The following ANKH variants were observed in gnomAD, a reference collection of about 807,000 sequenced individuals.
ANKH encodes ANKH inorganic pyrophosphate transport regulator, also known as mineralization regulator ANKH.
In ANKH, 15 loss-of-function variants were observed where a neutral mutation model predicts 49.0. The observed-to-expected ratio is 0.31, with a 90% CI of 0.20 to 0.47. The LOEUF (loss-of-function observed/expected upper bound fraction) is 0.47, where lower values mean the gene tolerates loss of function less well. ANKH is among the 20% of genes least tolerant of loss of function. ANKH has a pLI of 1.00. For synonymous variants in ANKH, 273 were observed against 260.0 expected (o/e 1.05, Z -0.48); for missense variants, 429 against 652.0 (o/e 0.66, Z 3.72).
chr5:14,741,866 G>A lies in ANKH; in HGVS notation c.972C>T (p.Ile324=). 1 of 1,614,152 alleles carries A rather than the reference G, an allele frequency of 6.2e-7. No individual in the cohort carries two copies. Among genetic ancestry groups the A allele is most frequent in the South Asian group, 1.1e-5 (1 of 91,074 alleles). ...CCATGCAGACGAAGGTGAACTTCTT[G>A]ATGTGGGCTGCCGTGACTGTGTTGC... The part of the protein sequence containing the change: ...STSNTVTAAH[I]KKFTFVCMAL... The change falls in exon 8 of 12, where the codon ATC becomes ATT. Residue 324 remains isoleucine, a synonymous_variant. Coordinates refer to ENST00000284268, the MANE Select transcript of ANKH (RefSeq NM_054027.6).
chr5:14,792,975 C>CATAT (rs1162757952), intron 1 of ANKH, among the ~76,000 whole-genome samples: 2 of 102,782 alleles, frequency 1.9e-5, no homozygotes, highest in South Asian at 6.2e-4. Context: ...GAAACTCCAT[C>CATAT]ATATATATAT....
In ANKH at chr5:14,708,045, C is replaced by G. The variant is rs1737008141; in HGVS notation, c.*3152G>C. Reference sequence around the variant, plus strand: ...AGCCATGTGGCCGGCAGGTCCAATCCTACCGTGACTTTCCAAGCGCAAGCC... The same window carrying G: ...AGCCATGTGGCCGGCAGGTCCAATCGTACCGTGACTTTCCAAGCGCAAGCC... On this transcript the variant is annotated 3_prime_UTR_variant, in exon 12 of 12. Transcript: ENST00000284268. The G allele has an allele frequency of 1.3e-5, 2 of 152,304 alleles. No homozygotes were observed. The highest frequency in any genetic ancestry group is 2.1e-4 in the South Asian group (1 of 4,826). 9.4% of individuals were successfully genotyped at this position (152,304 alleles called of 1,614,324 possible). A position where few individuals can be genotyped will look rare whatever the true frequency, so the allele number is the denominator to read the frequency against.
chr5:14,773,239 C>T (rs898125050), intron 1 of ANKH, among the ~76,000 whole-genome samples: 9 of 151,306 alleles, frequency 5.9e-5, no homozygotes, highest in Non-Finnish European at 1.0e-4. Context: ...GCTTATTGCT[C>T]GAATGTGTTA....
chr5:14,789,323 T>A (rs991942579), intron 1 of ANKH, among the ~76,000 whole-genome samples: 1 of 152,204 alleles, frequency 6.6e-6, no homozygotes, highest in Non-Finnish European at 1.5e-5. Flanking sequence ...TAGAATCGTT[T>A]TACAAAGTCT....
intron 1 of ANKH, chr5:14,870,298 G>A (rs1735776025): frequency 6.6e-6 from 1 of 152,156 alleles, no homozygotes; most frequent in African/African-American, 2.4e-5. Context: ...AATCCAAACA[G>A]ATATTCGTCA....
intron 1 of ANKH, among the ~76,000 whole-genome samples, chr5:14,790,739 G>A (rs2126543365): frequency 6.6e-6 from 1 of 152,290 alleles, no homozygotes; most frequent in Admixed American, 6.5e-5. Flanking sequence ...TCCCTGAGTA[G>A]TGGGGACTAT....
intron 1 of ANKH, among the ~76,000 whole-genome samples, chr5:14,819,691 C>G (rs746569889): frequency 2.8e-4 from 42 of 152,096 alleles, no homozygotes; most frequent in Non-Finnish European, 5.7e-4. Context: ...CAAGGCAAAA[C>G]CCCGTCTCTA....
At chr5:14,852,393 G>C (rs1742144765) in intron 1 of ANKH, among the ~76,000 whole-genome samples, 1 of 142,370 alleles carries the variant, frequency 7.0e-6, no homozygotes, top group Non-Finnish European at 1.6e-5. Flanking sequence ...ACATGATTAG[G>C]TCACAACAAA....
intron 1 of ANKH, among the ~76,000 whole-genome samples, chr5:14,783,521 G>C (rs1739878373): frequency 6.6e-6 from 1 of 152,172 alleles, no homozygotes; most frequent in South Asian, 2.1e-4. Flanking sequence ...TCTAGTTGAA[G>C]TAAAATTGTC....
Position 14,783,478 on chromosome 5 carries a change from A to C in ANKH, c.97-14287T>G, listed in dbSNP as rs141614676. Among the ~76,000 whole-genome samples the C allele has an allele frequency of 3.2e-3, 489 of 152,350 alleles. 1 individual carries two copies. The highest frequency in any genetic ancestry group is 5.4e-3 in the Non-Finnish European group (370 of 68,030). ...CATGCTACTGTTATTGGTTTAAATT[A>C]TTGATGCACAGTATTCTATTGATGC... On this transcript the variant is annotated intron_variant, in intron 1 of 11. Coordinates refer to ENST00000284268, the MANE Select transcript of ANKH (RefSeq NM_054027.6).
At chr5:14,840,087 T>C (rs1173444270) in intron 1 of ANKH, among the ~76,000 whole-genome samples, 1 of 152,226 alleles carries the variant, frequency 6.6e-6, no homozygotes, top group Non-Finnish European at 1.5e-5. Flanking sequence ...CAAGAAGTCC[T>C]TTAAAAAGGG....
intron 1 of ANKH, chr5:14,797,876 T>C (rs1388030162): frequency 1.2e-6 from 2 of 1,611,886 alleles, no homozygotes; most frequent in African/African-American, 2.7e-5. Context: ...CCTTCTGATG[T>C]CCACGGAGAC....
Position 14,710,442 on chromosome 5 carries a change from G to A in ANKH, c.*755C>T, listed in dbSNP as rs963264558. Reference sequence around the variant, plus strand: ...AAAAAGTTAGCTCATGTATATACACGGTGGGGGTGAGAACTGACAGCTTGC... The same window carrying A: ...AAAAAGTTAGCTCATGTATATACACAGTGGGGGTGAGAACTGACAGCTTGC... On this transcript the variant is annotated 3_prime_UTR_variant, in exon 12 of 12. Coordinates refer to ENST00000284268, the MANE Select transcript of ANKH (RefSeq NM_054027.6). 1 of 152,422 alleles carries A rather than the reference G, an allele frequency of 6.6e-6. No homozygotes were observed. Among genetic ancestry groups the A allele is most frequent in the African/African-American group, 2.4e-5 (1 of 41,448 alleles). 9.4% of individuals were successfully genotyped at this position (152,422 alleles called of 1,614,324 possible).
chr5:14,797,748 T>C (rs1464808792), intron 1 of ANKH: 1 of 1,610,520 alleles, frequency 6.2e-7, no homozygotes, highest in Admixed American at 1.7e-5. Flanking sequence ...GGTCTTCGCA[T>C]CTACCACTTT....
rs186944743 is a variant in ANKH at position 14,867,182 on chromosome 5, A to C, written c.96+4170T>G. On this transcript the variant is annotated intron_variant, in intron 1 of 11. Transcript: ENST00000284268. Reference sequence around the variant, plus strand: ...AAAAAAAAAAAAAAAAAAAAAATTCAATATACGACAGCTAAGATTAAATTT... The same window carrying C: ...AAAAAAAAAAAAAAAAAAAAAATTCCATATACGACAGCTAAGATTAAATTT... Among the ~76,000 whole-genome samples the C allele has an allele frequency of 2.6e-3, 396 of 150,172 alleles. 2 individuals carry two copies. Among genetic ancestry groups the C allele is most frequent in the Non-Finnish European group, 3.3e-3 (224 of 67,584 alleles).
At chr5:14,825,030 A>T (rs894520207) in intron 1 of ANKH, among the ~76,000 whole-genome samples, 7 of 152,232 alleles carry the variant, frequency 4.6e-5, no homozygotes, top group Non-Finnish European at 7.3e-5. Flanking sequence ...TATAAAACTG[A>T]AACAAAACAG....
In ANKH at chr5:14,718,894, C is replaced by T. The variant is rs529090187; in HGVS notation, c.1012-2059G>A. Among the ~76,000 whole-genome samples, 47 of 145,362 alleles carry T rather than the reference C, an allele frequency of 3.2e-4. No homozygotes were observed. In the South Asian group the frequency reaches 9.3e-3, roughly 29 times the overall value. ...GCAGAAAGGAAAATTCACAAGTTAG[C>T]AGTAAGATAAGTTTAGGGAAGCCTA... On this transcript the variant is annotated intron_variant, in intron 8 of 11. Transcript: ENST00000284268.
intron 2 of ANKH, among the ~76,000 whole-genome samples, chr5:14,759,226 T>C (rs1024325493): frequency 6.6e-6 from 1 of 152,190 alleles, no homozygotes; most frequent in African/African-American, 2.4e-5. Context: ...AAAATGACAT[T>C]GCGGAGGTGC....
intron 2 of ANKH, among the ~76,000 whole-genome samples, chr5:14,765,032 C>A (rs1285152672): frequency 6.6e-6 from 1 of 152,210 alleles, no homozygotes; most frequent in Non-Finnish European, 1.5e-5. Context: ...CCAAATGGAA[C>A]CAAATGCAAG....
Sources: allele counts gnomAD v4.1 joint callset (sites outside exome capture counted in the v4.1 genomes callset), GRCh38; gene constraint gnomAD v4.1.1; transcripts MANE v1.5; gene names NCBI Gene and HGNC (gene_info 2026-07-23, HGNC 2026-07-21).